NYAP2: variants seen among roughly 807,000 people sequenced by gnomAD.
NYAP2 encodes neuronal tyrosine-phosphorylated phosphoinositide-3-kinase adaptor 2.
A neutral mutation model predicts 50.4 loss-of-function variants in NYAP2; 23 were observed. That is an observed-to-expected ratio of 0.46 (90% confidence interval 0.33 to 0.65). The LOEUF is 0.65. Ranked by LOEUF, NYAP2 falls within the 30% of genes least tolerant of loss-of-function variation. The probability of loss-of-function intolerance (pLI) is 0.02; values close to 1 mark genes in which losing one functional copy is unlikely to be tolerated. For missense variants in NYAP2, 885 were observed against 861.0 expected (o/e 1.03, Z -0.35); for synonymous variants, 394 against 365.2 (o/e 1.08, Z -0.90).
intron 3 of NYAP2, among the ~76,000 whole-genome samples, chr2:225,512,525 T>C (rs1006907492): frequency 6.7e-6 from 1 of 149,856 alleles, no homozygotes; most frequent in Non-Finnish European, 1.5e-5. Context: ...TCCTTTCTTC[T>C]TCTCTTCTCT....
chr2:225,565,188 C>A (rs1189065285), intron 4 of NYAP2, among the ~76,000 whole-genome samples: 1 of 151,940 alleles, frequency 6.6e-6, no homozygotes, highest in East Asian at 1.9e-4. Flanking sequence ...TATTGTCATG[C>A]ATATGCTGTG....
chr2:225,552,120 C>A (rs1335415889), intron 4 of NYAP2, among the ~76,000 whole-genome samples: 3 of 152,110 alleles, frequency 2.0e-5, no homozygotes, highest in Non-Finnish European at 4.4e-5. Flanking sequence ...GCACTTCTTT[C>A]TTTTTGATTC....
chr2:225,602,142 A>G (rs1692702482), intron 5 of NYAP2, among the ~76,000 whole-genome samples: 1 of 152,162 alleles, frequency 6.6e-6, no homozygotes. Flanking sequence ...TGGGGTTTTT[A>G]TGGACTGGAA....
intron 5 of NYAP2, among the ~76,000 whole-genome samples, chr2:225,583,923 T>C (rs921981861): frequency 3.9e-5 from 6 of 152,112 alleles, no homozygotes; most frequent in Admixed American, 1.3e-4. Context: ...GCACCTTTAG[T>C]CCCAGCTACG....
intron 3 of NYAP2, among the ~76,000 whole-genome samples, chr2:225,484,285 A>AT (rs1016936688): frequency 1.3e-5 from 2 of 152,122 alleles, no homozygotes; most frequent in African/African-American, 4.8e-5. Context: ...TCCAACATGT[A>AT]TTTTTTCAGT....
At chr2:225,585,209 AT>A (rs35943904) in intron 5 of NYAP2, among the ~76,000 whole-genome samples, 1,764 of 152,336 alleles carry the variant, frequency 0.012, 43 homozygotes, top group African/African-American at 0.04. Flanking sequence ...AAGAGAAAAT[AT>A]TTTTTAAACA....
chr2:225,652,977 A>T (rs958617546), exon 7 of NYAP2: 11 of 151,984 alleles, frequency 7.2e-5, no homozygotes, highest in African/African-American at 2.7e-4. Flanking sequence ...TTAATTTAAA[A>T]TTTAAATGCC....
chr2:225,559,038 T>C (rs1691824028), intron 4 of NYAP2, among the ~76,000 whole-genome samples: 2 of 152,124 alleles, frequency 1.3e-5, no homozygotes, highest in Admixed American at 1.3e-4. Flanking sequence ...GTTTTTATTA[T>C]ATTAGGAGGT....
At chr2:225,636,071 A>G (rs1672368811) in intron 6 of NYAP2, among the ~76,000 whole-genome samples, 1 of 152,236 alleles carries the variant, frequency 6.6e-6, no homozygotes, top group Non-Finnish European at 1.5e-5. Flanking sequence ...AGGAATATAT[A>G]TAATGTACCC....
the NYAP2 span, among the ~76,000 whole-genome samples, chr2:225,695,661 T>C: frequency 6.6e-6 from 1 of 151,828 alleles, no homozygotes. Flanking sequence ...CTCAATAAAT[T>C]TTTCTTGCAT....
chr2:225,512,523 T>C (rs889798827), intron 3 of NYAP2, among the ~76,000 whole-genome samples: 3 of 150,434 alleles, frequency 2.0e-5, no homozygotes, highest in African/African-American at 7.3e-5. Context: ...CCTCCTTTCT[T>C]CTTCTCTTCT....
intron 5 of NYAP2, among the ~76,000 whole-genome samples, chr2:225,585,900 C>T (rs1234244325): frequency 5.9e-5 from 9 of 152,198 alleles, no homozygotes; most frequent in Non-Finnish European, 1.3e-4. Flanking sequence ...CTCCCCTTTA[C>T]TCTTCCCAGA....
intron 4 of NYAP2, among the ~76,000 whole-genome samples, chr2:225,522,251 T>G (rs943921474): frequency 6.6e-6 from 1 of 152,156 alleles, no homozygotes; most frequent in Non-Finnish European, 1.5e-5. Flanking sequence ...TATTCCTACC[T>G]TCCATTTGTT....
At chr2:225,437,476 C>T (rs914803562) in intron 3 of NYAP2, among the ~76,000 whole-genome samples, 1 of 152,142 alleles carries the variant, frequency 6.6e-6, no homozygotes, top group Non-Finnish European at 1.5e-5. Context: ...GGGATGTTTG[C>T]ATGACCTTCC....
intron 6 of NYAP2, among the ~76,000 whole-genome samples, chr2:225,649,349 A>AG (rs1693692089): frequency 2.0e-5 from 3 of 152,172 alleles, no homozygotes; most frequent in Admixed American, 2.0e-4. Context: ...CTGTGGATCC[A>AG]GGATACTTCC....
chr2:225,471,271 T>A (rs1229865627), intron 3 of NYAP2, among the ~76,000 whole-genome samples: 2 of 152,238 alleles, frequency 1.3e-5, no homozygotes, highest in Admixed American at 1.3e-4. Context: ...TGTGTCTATA[T>A]CTATACACGT....
chr2:225,587,034 G>A (rs1692400380), intron 5 of NYAP2, among the ~76,000 whole-genome samples: 2 of 152,164 alleles, frequency 1.3e-5, no homozygotes, highest in African/African-American at 4.8e-5. Context: ...GCTCGCAAGA[G>A]CAGGGAAGAT....
At chr2:225,531,144 C>T (rs1288596694) in intron 4 of NYAP2, among the ~76,000 whole-genome samples, 3 of 152,186 alleles carry the variant, frequency 2.0e-5, no homozygotes, top group South Asian at 2.1e-4. Flanking sequence ...AAACTGAACT[C>T]ATTAGCATGA....
At chr2:225,410,180 A>G (rs1435492310) in intron 3 of NYAP2, among the ~76,000 whole-genome samples, 1 of 152,128 alleles carries the variant, frequency 6.6e-6, no homozygotes, top group East Asian at 1.9e-4. Context: ...AAAGCAAAAA[A>G]CTAGAAATAG....
Sources: gnomAD v4.1 joint callset for allele counts (sites outside exome capture counted in the v4.1 genomes callset) on GRCh38, gnomAD v4.1.1 for gene constraint, MANE v1.5 for transcripts, NCBI Gene and HGNC (gene_info 2026-07-23, HGNC 2026-07-21) for gene names.